The following NSMCE2 variants were observed in gnomAD, a reference collection of about 807,000 sequenced individuals.
The protein encoded by NSMCE2 is NSE2 SUMO ligase component of SMC5/6 complex.
NSMCE2 carries 24 observed loss-of-function variants against 23.8 expected under a neutral mutation model. The observed-to-expected ratio is 1.01, with a 90% CI of 0.73 to 1.42. The LOEUF (loss-of-function observed/expected upper bound fraction) is 1.42. Among genes scored for constraint, NSMCE2 ranks in the 40% most tolerant of loss-of-function variants. The pLI, the probability that NSMCE2 is intolerant of heterozygous loss-of-function variation, is 0.00. For synonymous variants in NSMCE2, 92 were observed against 94.1 expected, an observed-to-expected ratio of 0.98 and a Z score of 0.13; for missense variants, 284 against 296.5, an observed-to-expected ratio of 0.96 and a Z score of 0.31.
At chr8:125,253,386 C>T (rs1297985551) in intron 5 of NSMCE2, among the ~76,000 whole-genome samples, 2 of 152,160 alleles carry the variant, frequency 1.3e-5, no homozygotes, top group Non-Finnish European at 2.9e-5. Context: ...GCTTTCTTTT[C>T]GCCCTGAGCA....
intron 3 of NSMCE2, among the ~76,000 whole-genome samples, chr8:125,134,457 C>T (rs1257400302): frequency 2.0e-5 from 3 of 152,138 alleles, no homozygotes; most frequent in South Asian, 2.1e-4. Flanking sequence ...TACTTTTAGC[C>T]ATTCTAATAG....
chr8:125,195,682 A>T (rs1054137557), intron 5 of NSMCE2, among the ~76,000 whole-genome samples: 14 of 152,120 alleles, frequency 9.2e-5, no homozygotes, highest in African/African-American at 3.4e-4. Context: ...TGGAGCTTAC[A>T]TTCTGGCACT....
intron 3 of NSMCE2, among the ~76,000 whole-genome samples, chr8:125,106,062 A>ACACACT (rs1202838779): frequency 6.6e-6 from 1 of 151,740 alleles, no homozygotes; most frequent in Non-Finnish European, 1.5e-5. Flanking sequence ...ACACACACAC[A>ACACACT]CACACACACA....
chr8:125,354,360 A>G (rs1232068107), intron 5 of NSMCE2, among the ~76,000 whole-genome samples: 2 of 152,240 alleles, frequency 1.3e-5, no homozygotes, highest in Non-Finnish European at 2.9e-5. Context: ...GGAAATTTTT[A>G]TGAAGTTTAT....
At chr8:125,247,724 CAAA>C (rs35494894) in intron 5 of NSMCE2, among the ~76,000 whole-genome samples, 1 of 112,974 alleles carries the variant, frequency 8.9e-6, no homozygotes, top group Non-Finnish European at 1.9e-5. Flanking sequence ...AATTCTGTCT[CAAA>C]AAAAAAAAAA....
At chr8:125,263,595 A>G (rs913191546) in intron 5 of NSMCE2, among the ~76,000 whole-genome samples, 3 of 152,068 alleles carry the variant, frequency 2.0e-5, no homozygotes, top group African/African-American at 7.2e-5. Context: ...ACTAAAATAC[A>G]AAAAATTAGC....
chr8:125,359,075 G>A (rs1225599135), intron 7 of NSMCE2, among the ~76,000 whole-genome samples: 1 of 151,802 alleles, frequency 6.6e-6, no homozygotes, highest in Non-Finnish European at 1.5e-5. Context: ...GACCATCCTG[G>A]CTAACACGGT....
intron 5 of NSMCE2, among the ~76,000 whole-genome samples, chr8:125,302,868 G>A (rs1828618243): frequency 6.6e-6 from 1 of 152,096 alleles, no homozygotes; most frequent in South Asian, 2.1e-4. Context: ...CTCAGGAACT[G>A]GATAGGAAGT....
chr8:125,139,100 G>A (rs1369984524), intron 3 of NSMCE2, among the ~76,000 whole-genome samples: 1 of 152,218 alleles, frequency 6.6e-6, no homozygotes, highest in East Asian at 1.9e-4. Context: ...CTAATAAATG[G>A]AACTGTTCAG....
intron 7 of NSMCE2, among the ~76,000 whole-genome samples, chr8:125,361,376 T>G (rs530737414): frequency 5.9e-4 from 85 of 143,202 alleles, no homozygotes; most frequent in Non-Finnish European, 1.1e-3. Flanking sequence ...CCACAGTCAC[T>G]TTTTTGCTTT....
chr8:125,335,349 G>T (rs887048172), intron 5 of NSMCE2, among the ~76,000 whole-genome samples: 2 of 152,148 alleles, frequency 1.3e-5, no homozygotes, highest in African/African-American at 4.8e-5. Context: ...TACCAGACAG[G>T]TATTTTCATC....
rs559764219 is a variant in NSMCE2, at chr8:125,093,534, C to CAATA, written c.-111+1598_-111+1601dup. ...CGAAACCCTCTCTCTACTAAAAATA[C>CAATA]AATAAATAAATAAATAAATAAATAA... On this transcript the variant is annotated intron_variant, in intron 1 of 7. Coordinates refer to ENST00000287437, the MANE Select transcript of NSMCE2 (RefSeq NM_173685.4). Among the ~76,000 whole-genome samples the CAATA allele has an allele frequency of 5.8e-3, 882 of 151,692 alleles. 5 individuals carry two copies. Among genetic ancestry groups the CAATA allele is most frequent in the African/African-American group, 7.3e-3 (300 of 41,314 alleles).
At chr8:125,255,686 G>T (rs16900479) in intron 5 of NSMCE2, among the ~76,000 whole-genome samples, 10,540 of 152,186 alleles carry the variant, frequency 0.069, 874 homozygotes, top group African/African-American at 0.2. Context: ...AATCATGAAG[G>T]CCCGTGTTTG....
intron 5 of NSMCE2, among the ~76,000 whole-genome samples, chr8:125,261,399 A>C (rs1826686367): frequency 6.6e-6 from 1 of 152,208 alleles, no homozygotes; most frequent in Non-Finnish European, 1.5e-5. Context: ...TATTTATTGA[A>C]GCATCTGCTC....
In NSMCE2 at chr8:125,149,297, ATATACT is replaced by A. The variant is rs561792302; in HGVS notation, c.158-1869_158-1864del. Among the ~76,000 whole-genome samples, 61 of 152,352 alleles carry A rather than the reference ATATACT, an allele frequency of 4.0e-4. No individual in the cohort carries two copies. In the South Asian group the frequency reaches 0.012, roughly 29 times the overall value. On this transcript the variant is annotated intron_variant, in intron 3 of 7. Coordinates refer to ENST00000287437, the MANE Select transcript of NSMCE2 (RefSeq NM_173685.4). ...GTTAACCCAGGAGATAGTCTATGAA[ATATACT>A]TATAAGTAACTATTATAAAATTAAA...
chr8:125,241,501 TGAA>T (rs1825763997), intron 5 of NSMCE2, among the ~76,000 whole-genome samples: 2 of 152,390 alleles, frequency 1.3e-5, no homozygotes, highest in South Asian at 2.1e-4. Flanking sequence ...GTTTGTTTTC[TGAA>T]GAAGAAGGAA....
intron 5 of NSMCE2, among the ~76,000 whole-genome samples, chr8:125,301,655 T>TG (rs1262491135): frequency 1.5e-3 from 189 of 126,570 alleles, no homozygotes; most frequent in African/African-American, 5.2e-3. Context: ...ACAAGCCATT[T>TG]TTTTTTTTTT....
At chr8:125,235,295 C>G (rs972546777) in intron 5 of NSMCE2, among the ~76,000 whole-genome samples, 1 of 151,002 alleles carries the variant, frequency 6.6e-6, no homozygotes, top group African/African-American at 2.4e-5. Context: ...TTTATATATT[C>G]CTGCATTTTT....
In NSMCE2 at chr8:125,188,768, G is replaced by C. The variant is rs77537002; in HGVS notation, c.418+6512G>C. ...CTGCGAACTAAGGCCAAAATGTGCA[G>C]TTTGCTTCATTTGGGAATGTGTATT... On this transcript the variant is annotated intron_variant, in intron 5 of 7. Coordinates refer to ENST00000287437, the MANE Select transcript of NSMCE2 (RefSeq NM_173685.4). Among the ~76,000 whole-genome samples the C allele has an allele frequency of 1.9e-3, 286 of 152,314 alleles. 2 individuals are homozygous for C. The highest frequency in any genetic ancestry group is 6.4e-3 in the African/African-American group (266 of 41,562).
Sources: allele counts gnomAD v4.1 joint callset (sites outside exome capture counted in the v4.1 genomes callset), GRCh38; gene constraint gnomAD v4.1.1; transcripts MANE v1.5; gene names NCBI Gene and HGNC (gene_info 2026-07-23, HGNC 2026-07-21).